PCSK2: variants seen among roughly 807,000 people sequenced by gnomAD.
The protein encoded by PCSK2 is neuroendocrine convertase 2.
Under a neutral mutation model 69.7 loss-of-function variants are expected in PCSK2, and 14 were observed. The ratio of observed to expected loss-of-function variants is 0.20; its 90% CI spans 0.13 to 0.31. The LOEUF (loss-of-function observed/expected upper bound fraction) is 0.31. PCSK2 is among the 10% of genes least tolerant of loss of function. The pLI is 1.00. For missense variants in PCSK2, 544 were observed against 842.5 expected (o/e 0.65, Z 4.39); for synonymous variants, 307 against 320.7 (o/e 0.96, Z 0.46).
chr20:17,453,534 T>C lies in PCSK2; in HGVS notation c.886-208T>C, dbSNP rs1277606328. Among the ~76,000 whole-genome samples the C allele has an allele frequency of 3.3e-5, 5 of 152,246 alleles. No individual in the cohort carries two copies. Among genetic ancestry groups the C allele is most frequent in the Non-Finnish European group, 5.9e-5 (4 of 68,032 alleles). On this transcript the variant is annotated intron_variant, in intron 8 of 11. Coordinates refer to ENST00000262545, the MANE Select transcript of PCSK2 (RefSeq NM_002594.5). The surrounding 1 kb of genome is among the most constrained non-coding windows in gnomAD (Gnocchi z 4.0). ...TCCCCAGCTTAAATTGTAAATTCAG[T>C]TGACTTTTTTAGATTGAATTCTTCC...
chr20:17,413,625 G>A (rs1000238885), intron 6 of PCSK2, among the ~76,000 whole-genome samples: 5 of 152,146 alleles, frequency 3.3e-5, no homozygotes, highest in African/African-American at 9.7e-5. Context: ...ACAGATCAAC[G>A]AGACAGAAGG....
intron 6 of PCSK2, among the ~76,000 whole-genome samples, chr20:17,424,578 C>T (rs1039512181): frequency 2.6e-5 from 4 of 151,994 alleles, no homozygotes; most frequent in South Asian, 2.1e-4. Flanking sequence ...CTGTGACCTC[C>T]GCCTCTCTGG....
At chr20:17,306,325 CA>C (rs1452718674) in intron 2 of PCSK2, among the ~76,000 whole-genome samples, 1 of 151,762 alleles carries the variant, frequency 6.6e-6, no homozygotes, top group Non-Finnish European at 1.5e-5. Flanking sequence ...TATGCCCCCC[CA>C]AAAAAACGCA....
At chr20:17,354,756 G>GC (rs2030136443) in intron 2 of PCSK2, among the ~76,000 whole-genome samples, 1 of 151,902 alleles carries the variant, frequency 6.6e-6, no homozygotes, top group Non-Finnish European at 1.5e-5. Context: ...CAATTCTTAT[G>GC]GTAGGATACT....
Position 17,482,166 on chromosome 20 carries a change from G to A in PCSK2, c.*96G>A, listed in dbSNP as rs1031709181. The A allele has an allele frequency of 3.4e-5, 38 of 1,133,522 alleles. No homozygotes were observed. The highest frequency in any genetic ancestry group is 3.1e-5 in the Non-Finnish European group (25 of 818,626). 70.2% of individuals were successfully genotyped at this position (1,133,522 alleles called of 1,614,324 possible). A position where few individuals can be genotyped will look rare whatever the true frequency, so the allele number is the denominator to read the frequency against. ...CAGGCACCTAGCAATTCCATCACCC[G>A]TACAGGCAATTCCGTCTTCTTAATC... On this transcript the variant is annotated 3_prime_UTR_variant, in exon 12 of 12. Coordinates refer to ENST00000262545, the MANE Select transcript of PCSK2 (RefSeq NM_002594.5).
chr20:17,480,902 G>T (rs1449129973), intron 11 of PCSK2, among the ~76,000 whole-genome samples: 1 of 152,202 alleles, frequency 6.6e-6, no homozygotes, highest in Non-Finnish European at 1.5e-5. Flanking sequence ...GGCTGTGCAG[G>T]CTTCCACGGA....
chr20:17,257,993 A>G (rs1987240878), intron 1 of PCSK2, among the ~76,000 whole-genome samples: 1 of 152,194 alleles, frequency 6.6e-6, no homozygotes, highest in African/African-American at 2.4e-5. Context: ...ATTTTTGACA[A>G]ATTCCCTGGG....
At chr20:17,229,658 C>G (rs1176602362) in intron 1 of PCSK2, among the ~76,000 whole-genome samples, 1 of 151,958 alleles carries the variant, frequency 6.6e-6, no homozygotes, top group African/African-American at 2.4e-5. Context: ...TTCTCCATAA[C>G]CTCTCAGGTA....
chr20:17,287,697 C>T (rs538055951), intron 2 of PCSK2, among the ~76,000 whole-genome samples: 5 of 152,282 alleles, frequency 3.3e-5, no homozygotes, highest in East Asian at 1.9e-4. Flanking sequence ...CCACAGGTGG[C>T]GCTGTCCTTT....
In PCSK2 at chr20:17,244,944, C is replaced by T. The variant is rs137892486; in HGVS notation, c.178-15296C>T. Among the ~76,000 whole-genome samples the T allele has an allele frequency of 4.5e-3, 689 of 152,258 alleles. 2 individuals carry two copies. Among genetic ancestry groups the T allele is most frequent in the Middle Eastern group, 0.01 (3 of 294 alleles). Reference sequence around the variant, plus strand: ...CCTCACATTTCTTGCCAGATCCTCGCCACCTTCTTTTATCTGCCCCTTGGT... The same window carrying T: ...CCTCACATTTCTTGCCAGATCCTCGTCACCTTCTTTTATCTGCCCCTTGGT... On this transcript the variant is annotated intron_variant, in intron 1 of 11. Transcript: ENST00000262545.
chr20:17,287,291 C>G (rs1026260338), intron 2 of PCSK2, among the ~76,000 whole-genome samples: 1 of 152,106 alleles, frequency 6.6e-6, no homozygotes, highest in African/African-American at 2.4e-5. Context: ...CAATAGACAT[C>G]GAAGGCTACT....
At chr20:17,350,377 C>G (rs1205656671) in intron 2 of PCSK2, among the ~76,000 whole-genome samples, 1 of 151,378 alleles carries the variant, frequency 6.6e-6, no homozygotes, top group East Asian at 1.9e-4. Context: ...TTTTATGCTC[C>G]TTTTCTTGCT....
intron 5 of PCSK2, among the ~76,000 whole-genome samples, chr20:17,402,234 G>A (rs779590464): frequency 1.3e-5 from 2 of 152,076 alleles, no homozygotes; most frequent in African/African-American, 2.4e-5. Context: ...AAAGATAAAG[G>A]CATCTTTTTA....
chr20:17,473,865 T>C (rs1295611600), intron 11 of PCSK2, among the ~76,000 whole-genome samples: 1 of 152,180 alleles, frequency 6.6e-6, no homozygotes, highest in African/African-American at 2.4e-5. Context: ...TCCAGCCACA[T>C]GTCTCCTCTC....
chr20:17,235,350 G>A (rs1409687613), intron 1 of PCSK2, among the ~76,000 whole-genome samples: 2 of 152,252 alleles, frequency 1.3e-5, no homozygotes, highest in East Asian at 3.9e-4. Flanking sequence ...GAAAACTGTA[G>A]GATCCTGGGG....
At position 17,465,478 on chromosome 20, in the gene PCSK2, T is replaced by A; in HGVS notation, c.1355T>A (p.Met452Lys). ...FGYGVLDAGAMVKMAKDWKTV... is the reference protein window; with the variant it reads ...FGYGVLDAGAKVKMAKDWKTV... ...TACGGGGTCCTTGATGCAGGTGCCA[T>A]GGTGAAAATGGCTAAAGACTGGAAA... Residue 452 changes from methionine to lysine, a missense_variant, in exon 11 of 12, where the codon ATG becomes AAG. Transcript: ENST00000262545. 1 of 1,614,036 alleles carries A rather than the reference T, an allele frequency of 6.2e-7. No homozygotes were observed. Among genetic ancestry groups the A allele is most frequent in the Non-Finnish European group, 8.5e-7 (1 of 1,179,966 alleles).
At chr20:17,363,859 G>A (rs1022603710) in intron 4 of PCSK2, among the ~76,000 whole-genome samples, 14 of 152,132 alleles carry the variant, frequency 9.2e-5, no homozygotes, top group African/African-American at 3.1e-4. Flanking sequence ...TATTATAATC[G>A]CCATTTTACA....
chr20:17,345,338 C>A (rs967371787), intron 2 of PCSK2, among the ~76,000 whole-genome samples: 2 of 152,170 alleles, frequency 1.3e-5, no homozygotes, highest in Admixed American at 6.5e-5. Flanking sequence ...TTATTCTCAA[C>A]AAGAAAAGTT....
chr20:17,321,147 G>T (rs1600489028), intron 2 of PCSK2, among the ~76,000 whole-genome samples: 2 of 152,172 alleles, frequency 1.3e-5, no homozygotes, highest in African/African-American at 4.8e-5. Flanking sequence ...GGAAAGCAAA[G>T]ATTTTTTCCT....
Sources: gnomAD v4.1 joint callset for allele counts (sites outside exome capture counted in the v4.1 genomes callset) on GRCh38, gnomAD v4.1.1 for gene constraint, Gnocchi (gnomAD v3.1) non-coding constraint, MANE v1.5 for transcripts, NCBI Gene and HGNC (gene_info 2026-07-23, HGNC 2026-07-21) for gene names.